Variants in TXLNB observed in about 807,000 individuals in gnomAD.
The protein encoded by TXLNB is beta-taxilin.
A neutral mutation model predicts 57.4 loss-of-function variants in TXLNB; 37 were observed. The observed-to-expected ratio is 0.64, with a 90% CI of 0.50 to 0.85. The LOEUF (loss-of-function observed/expected upper bound fraction) is 0.85. Among genes scored for constraint, TXLNB ranks in the 40% least tolerant of loss-of-function variants. The probability of loss-of-function intolerance (pLI) is 0.00; values close to 1 mark genes in which losing one functional copy is unlikely to be tolerated. For missense variants in TXLNB, 848 were observed against 825.6 expected, an observed-to-expected ratio of 1.03 and a Z score of -0.33; for synonymous variants, 302 against 309.6, an observed-to-expected ratio of 0.98 and a Z score of 0.26.
chr6:139,289,303 C>T (rs1417168085), intron 1 of TXLNB, among the ~76,000 whole-genome samples: 1 of 150,802 alleles, frequency 6.6e-6, no homozygotes, highest in African/African-American at 2.4e-5. Context: ...GATCTAATTA[C>T]CGGTGCATGC....
At chr6:139,166,490 C>T in the TXLNB span, 2 of 1,614,040 alleles carry the variant, frequency 1.2e-6, no homozygotes, top group Non-Finnish European at 1.7e-6. Flanking sequence ...GAAGCAATGC[C>T]GCCAGAACAT....
chr6:139,323,199 C>A, the TXLNB span, among the ~76,000 whole-genome samples: 2 of 151,820 alleles, frequency 1.3e-5, no homozygotes, highest in African/African-American at 4.8e-5. Context: ...AGGGATGGGG[C>A]TCAGTGTGTG....
the TXLNB span, among the ~76,000 whole-genome samples, chr6:139,183,830 T>C: frequency 2.7e-5 from 4 of 150,668 alleles, no homozygotes; most frequent in Admixed American, 6.6e-5. Context: ...GGAGGTTCGG[T>C]ACGTGCAAAA....
At chr6:139,288,319 A>T (rs1583031690) in intron 2 of TXLNB, among the ~76,000 whole-genome samples, 157 bp downstream of exon 2, 1 of 152,298 alleles carries the variant, frequency 6.6e-6, no homozygotes, top group South Asian at 2.1e-4. Context: ...AGCTCCATTG[A>T]GGGGTAAGGG....
the TXLNB span, among the ~76,000 whole-genome samples, chr6:139,314,460 T>A: frequency 6.6e-6 from 1 of 152,248 alleles, no homozygotes; most frequent in East Asian, 1.9e-4. Context: ...AAGCTCCTGC[T>A]TCAAGTTATC....
the TXLNB span, among the ~76,000 whole-genome samples, chr6:139,307,906 T>C: frequency 1.3e-5 from 2 of 152,162 alleles, no homozygotes; most frequent in Non-Finnish European, 2.9e-5. Context: ...TTGCTCCTGA[T>C]TAATTAAAAC....
Position 139,276,075 on chromosome 6 carries a change from T to C in TXLNB, c.516+755A>G, listed in dbSNP as rs9495408. On this transcript the variant is annotated intron_variant, in intron 3 of 9. Transcript: ENST00000358430. The stretch of plus-strand genomic sequence containing the variant: ...AATTCTTCTAAACAACGACATAAAA[T>C]AGATTTCCTTGTTTATAAATAACTT... Among the ~76,000 whole-genome samples the C allele has an allele frequency of 6.4e-3, 977 of 152,328 alleles. 9 individuals carry two copies. Among genetic ancestry groups the C allele is most frequent in the African/African-American group, 0.023 (943 of 41,582 alleles).
chr6:139,177,011 A>C, the TXLNB span: 1 of 872,860 alleles, frequency 1.1e-6, no homozygotes, highest in Middle Eastern at 2.2e-4. This position sits in a 1 kb window ranked among gnomAD's most constrained non-coding sequence, Gnocchi z 4.9. Flanking sequence ...TACTTCTCCG[A>C]ATATAGCAAC....
intron 7 of TXLNB, 38 bp downstream of exon 7, chr6:139,255,526 G>A: frequency 6.3e-7 from 1 of 1,585,226 alleles, no homozygotes; most frequent in Non-Finnish European, 8.7e-7. Flanking sequence ...TGGGGACAGT[G>A]AGGACAGCAC....
rs1417570752 is a variant in TXLNB, at chr6:139,288,861, T to C, written c.39A>G (p.Arg13=). ...ANHSEQLSAE[R]QSTPPGDSSS... Reference sequence around the variant, plus strand: ...AACTGTCACCTGGAGGTGTTGACTGTCGTTCCGCTGAGAGCTGTTCAGAGT... The same window carrying C: ...AACTGTCACCTGGAGGTGTTGACTGCCGTTCCGCTGAGAGCTGTTCAGAGT... Residue 13 remains arginine (R), a synonymous_variant, in exon 2 of 10, where the codon CGA becomes CGG. Coordinates refer to ENST00000358430, the MANE Select transcript of TXLNB (RefSeq NM_153235.4). The C allele has an allele frequency of 6.2e-7, 1 of 1,614,174 alleles. No homozygotes were observed. Among genetic ancestry groups the C allele is most frequent in the Non-Finnish European group, 8.5e-7 (1 of 1,180,018 alleles).
intron 2 of TXLNB, among the ~76,000 whole-genome samples, chr6:139,284,068 C>G (rs1203389752): frequency 6.9e-6 from 1 of 145,446 alleles, no homozygotes; most frequent in Non-Finnish European, 1.5e-5. Flanking sequence ...GAACATCTCC[C>G]ATGCTCGCCT....
the TXLNB span, among the ~76,000 whole-genome samples, chr6:139,312,974 G>A: frequency 2.0e-5 from 3 of 152,060 alleles, no homozygotes. Context: ...AGATGGTATT[G>A]AAGCCCAAAT....
chr6:139,290,461 A>G (rs781641812), intron 1 of TXLNB, among the ~76,000 whole-genome samples: 8 of 152,356 alleles, frequency 5.3e-5, no homozygotes, highest in Middle Eastern at 3.4e-3. Flanking sequence ...ATTCCAATAT[A>G]TAAACCAATT....
chr6:139,240,111 A>C lies in TXLNB; in HGVS notation c.*2415T>G, dbSNP rs997017596. On this transcript the variant is annotated 3_prime_UTR_variant, in exon 10 of 10. Transcript: ENST00000358430. ...TAGATATATAAATTATAGTTATTTA[A>C]CTTAGAAAACAATAACTTTAGTGTT... 13 of 152,752 alleles carry C rather than the reference A, an allele frequency of 8.5e-5. No homozygotes were observed. Among genetic ancestry groups the C allele is most frequent in the African/African-American group, 3.1e-4 (13 of 41,568 alleles). The allele number at this position is 152,752 out of a possible 1,614,324, so 9.5% of individuals were successfully genotyped here.
At chr6:139,249,562 G>T (rs2114453550) in intron 7 of TXLNB, among the ~76,000 whole-genome samples, 1 of 152,318 alleles carries the variant, frequency 6.6e-6, no homozygotes, top group Non-Finnish European at 1.5e-5. Flanking sequence ...CTTTTTTAAA[G>T]TACAGAAAGC....
At chr6:139,280,559 G>A (rs1342771706) in intron 2 of TXLNB, among the ~76,000 whole-genome samples, 2 of 152,116 alleles carry the variant, frequency 1.3e-5, no homozygotes, top group African/African-American at 4.8e-5. Context: ...CAGGAGACTC[G>A]CTTGAACCTG....
chr6:139,226,038 C>T, the TXLNB span, among the ~76,000 whole-genome samples: 2 of 152,056 alleles, frequency 1.3e-5, no homozygotes, highest in African/African-American at 2.4e-5. Context: ...GTGACTCACA[C>T]CTGTAATCCC....
intron 6 of TXLNB, among the ~76,000 whole-genome samples, chr6:139,259,146 T>C (rs1776418476): frequency 6.6e-6 from 1 of 152,186 alleles, no homozygotes; most frequent in African/African-American, 2.4e-5. Context: ...GTCATCATCA[T>C]ATTTCATCTG....
intron 2 of TXLNB, among the ~76,000 whole-genome samples, chr6:139,278,293 A>C (rs1233240977): frequency 6.6e-6 from 1 of 152,222 alleles, no homozygotes; most frequent in Non-Finnish European, 1.5e-5. Flanking sequence ...AGAGACCTAG[A>C]GAAATAGAAG....
Sources: allele counts gnomAD v4.1 joint callset (sites outside exome capture counted in the v4.1 genomes callset), GRCh38; gene constraint gnomAD v4.1.1; non-coding constraint Gnocchi (gnomAD v3.1); transcripts MANE v1.5; gene names NCBI Gene and HGNC (gene_info 2026-07-23, HGNC 2026-07-21).